Variants in SCN11A observed in about 807,000 individuals in gnomAD.
SCN11A encodes the protein sodium voltage-gated channel alpha subunit 11.
A neutral mutation model predicts 162.2 loss-of-function variants in SCN11A; 122 were observed. The observed-to-expected ratio is 0.75, with a 90% confidence interval of 0.65 to 0.87. SCN11A has a LOEUF of 0.87. Ranked by LOEUF, SCN11A falls within the 40% of genes least tolerant of loss-of-function variation. The probability of loss-of-function intolerance (pLI) is 0.00; values close to 1 mark genes in which losing one functional copy is unlikely to be tolerated. For missense variants in SCN11A, 2,015 were observed against 2,181.6 expected (o/e 0.92, Z 1.52); for synonymous variants, 758 against 751.5 (o/e 1.01, Z -0.14).
chr3:38,888,779 T>G (rs1398636791), intron 19 of SCN11A, among the ~76,000 whole-genome samples: 1 of 152,084 alleles, frequency 6.6e-6, no homozygotes, highest in Non-Finnish European at 1.5e-5. Flanking sequence ...CAGCAGAAAT[T>G]GATGACACTT....
Position 38,897,033 on chromosome 3 carries a change from T to C in SCN11A, c.2215A>G (p.Thr739Ala). The change falls in exon 18 of 30, where the codon ACA (threonine) becomes GCA (alanine). Residue 739 changes from threonine to alanine, a missense_variant. Physicochemically the swap from Thr to Ala is moderately conservative, Grantham distance 58. Coordinates refer to ENST00000302328, the MANE Select transcript of SCN11A (RefSeq NM_001349253.2). ...CGTAAACATGAGACTGTCGGGCCTG[T>C]CGGGTTACAGAGTTTTGGACTCTTT... is the stretch of plus-strand genomic sequence containing the variant. ...SQKSPKLCNPTGPTVSCLRHW... is the reference protein window; with the variant it reads ...SQKSPKLCNPAGPTVSCLRHW... 1 of 1,614,100 alleles carries C rather than the reference T, an allele frequency of 6.2e-7. No homozygotes were observed. The highest frequency in any genetic ancestry group is 8.5e-7 in the Non-Finnish European group (1 of 1,180,010).
intron 7 of SCN11A, among the ~76,000 whole-genome samples, chr3:38,931,259 G>T (rs1243189219): frequency 1.3e-5 from 2 of 152,138 alleles, no homozygotes; most frequent in Admixed American, 1.3e-4. Flanking sequence ...GCCTTAACCA[G>T]GTTCCAGGTT....
intron 11 of SCN11A, among the ~76,000 whole-genome samples, chr3:38,916,424 G>A (rs2065961756): frequency 6.6e-6 from 1 of 152,152 alleles, no homozygotes; most frequent in Admixed American, 6.5e-5. Context: ...TTCTACCACA[G>A]TCTTGTAATT....
chr3:38,956,351 A>C (rs1425164939), intron 3 of SCN11A, among the ~76,000 whole-genome samples: 2 of 152,232 alleles, frequency 1.3e-5, no homozygotes, highest in Non-Finnish European at 2.9e-5. Context: ...TTTATGTAAC[A>C]AAAAATATGT....
Position 38,887,335 on chromosome 3 carries a change from G to T in SCN11A, c.2836-1097C>A, listed in dbSNP as rs537669714. Among the ~76,000 whole-genome samples the T allele has an allele frequency of 1.5e-4, 23 of 151,224 alleles. 1 individual carries two copies. The highest frequency in any genetic ancestry group is 2.7e-4 in the Non-Finnish European group (18 of 67,912). ...CACATGGGACAATAATTCAAGAGGGGCCACTGGAGCAAGTCACACCACCTG... is the reference window on the plus strand; with the variant it reads ...CACATGGGACAATAATTCAAGAGGGTCCACTGGAGCAAGTCACACCACCTG... On this transcript the variant is annotated intron_variant, in intron 19 of 29. Transcript: ENST00000302328.
chr3:38,945,727 C>T (rs987559178), intron 6 of SCN11A, among the ~76,000 whole-genome samples: 1 of 152,198 alleles, frequency 6.6e-6, no homozygotes, highest in Non-Finnish European at 1.5e-5. Flanking sequence ...CTACACACCC[C>T]CTTCTACATG....
At chr3:38,936,702 C>A (rs1230770015) in intron 7 of SCN11A, among the ~76,000 whole-genome samples, 1 of 152,230 alleles carries the variant, frequency 6.6e-6, no homozygotes, top group South Asian at 2.1e-4. Flanking sequence ...CTACAAACCG[C>A]TGCTCAATGA....
rs781177677 is a variant in SCN11A, at chr3:38,945,516, G to A, written c.387-4C>T. On this transcript the variant is annotated splice_polypyrimidine_tract_variant and splice_region_variant and intron_variant, in intron 6 of 29. Coordinates refer to ENST00000302328, the MANE Select transcript of SCN11A (RefSeq NM_001349253.2). ...GATAATGAACATGCTGAACAATGTG[G>A]CCAGCATCCATTAAGGCAGATATGT... The A allele has an allele frequency of 3.2e-6, 5 of 1,546,544 alleles. No individual in the cohort carries two copies. The East Asian group carries it at 1.2e-4, about 36-fold the overall frequency.
intron 2 of SCN11A, among the ~76,000 whole-genome samples, chr3:39,003,078 A>G (rs1474572151): frequency 6.6e-6 from 1 of 152,180 alleles, no homozygotes; most frequent in Non-Finnish European, 1.5e-5. Context: ...TTTGTTATAT[A>G]GATAAACCCA....
At chr3:38,882,543 C>A (rs571021054) in intron 22 of SCN11A, among the ~76,000 whole-genome samples, 13 of 151,752 alleles carry the variant, frequency 8.6e-5, no homozygotes, top group Non-Finnish European at 8.8e-5. Context: ...AAGGAGAGGG[C>A]GAAATATGCA....
chr3:39,051,930 A>G lies in SCN11A; in HGVS notation c.-473T>C. The G allele has an allele frequency of 1.3e-6, 2 of 1,489,808 alleles. No homozygotes were observed. Among genetic ancestry groups the G allele is most frequent in the Admixed American group, 1.7e-5 (1 of 58,158 alleles). The allele number at this position is 1,489,808 out of a possible 1,614,324, so 92.3% of individuals were successfully genotyped here. On this transcript the variant is annotated 5_prime_UTR_variant, in exon 1 of 30. Coordinates refer to ENST00000302328, the MANE Select transcript of SCN11A (RefSeq NM_001349253.2). ...GAAACACAACAGCCTGTTTACCTTC[A>G]GCCCCGCCACTAACCCTTGGCCAAA...
At chr3:38,894,469 T>A (rs2065552468) in intron 19 of SCN11A, 64 bp downstream of exon 19, 1 of 1,343,902 alleles carries the variant, frequency 7.4e-7, no homozygotes, top group Admixed American at 2.1e-5. Flanking sequence ...AAGGGCAGGC[T>A]ACCAGTGCCC....
intron 19 of SCN11A, among the ~76,000 whole-genome samples, chr3:38,887,938 A>T (rs1559509287): frequency 6.6e-6 from 1 of 152,202 alleles, no homozygotes; most frequent in Non-Finnish European, 1.5e-5. Flanking sequence ...AGCCACGAAT[A>T]TACCTCACAA....
chr3:38,864,844 AAAAC>A lies in SCN11A; in HGVS notation c.3952-1549_3952-1546del, dbSNP rs568368587. Among the ~76,000 whole-genome samples the A allele has an allele frequency of 2.3e-3, 352 of 152,318 alleles. 1 individual carries two copies. Among genetic ancestry groups the A allele is most frequent in the Non-Finnish European group, 3.9e-3 (264 of 68,006 alleles). ...CCTTATGTATTTGAATCCTGATTTG[AAAAC>A]AAACAAACAAAAAGCTTCAACAGAA... is the stretch of plus-strand genomic sequence containing the variant. On this transcript the variant is annotated intron_variant, in intron 27 of 29. Coordinates refer to ENST00000302328, the MANE Select transcript of SCN11A (RefSeq NM_001349253.2).
chr3:39,026,317 A>G (rs1293720477), intron 2 of SCN11A, among the ~76,000 whole-genome samples: 1 of 152,226 alleles, frequency 6.6e-6, no homozygotes, highest in Admixed American at 6.5e-5. Flanking sequence ...TCTATACTTA[A>G]GATGTGTTCA....
chr3:38,853,269 G>A (rs2064812252), intron 28 of SCN11A, among the ~76,000 whole-genome samples: 1 of 152,090 alleles, frequency 6.6e-6, no homozygotes, highest in Admixed American at 6.5e-5. Flanking sequence ...ATGAGTCAGT[G>A]GTTGTATAGC....
chr3:38,936,249 C>T (rs907067995), intron 7 of SCN11A, among the ~76,000 whole-genome samples: 2 of 151,990 alleles, frequency 1.3e-5, no homozygotes, highest in African/African-American at 4.8e-5. Context: ...TCTGACAAAC[C>T]CACAGCCAAT....
chr3:38,970,906 TG>T (rs1032281443), intron 2 of SCN11A, among the ~76,000 whole-genome samples: 1 of 152,192 alleles, frequency 6.6e-6, no homozygotes, highest in African/African-American at 2.4e-5. Context: ...CCAGACTACC[TG>T]ATCTCCCAAT....
intron 16 of SCN11A, among the ~76,000 whole-genome samples, chr3:38,902,915 A>T (rs2065726995): frequency 6.6e-6 from 1 of 152,190 alleles, no homozygotes; most frequent in Non-Finnish European, 1.5e-5. Context: ...ATAACACTAA[A>T]TAAAAATACA....
Sources: allele counts gnomAD v4.1 joint callset (sites outside exome capture counted in the v4.1 genomes callset), GRCh38; gene constraint gnomAD v4.1.1; transcripts MANE v1.5; gene names NCBI Gene and HGNC (gene_info 2026-07-23, HGNC 2026-07-21).